SCUBE2: variants seen among roughly 807,000 people sequenced by gnomAD.
SCUBE2 encodes signal peptide, CUB and EGF-like domain-containing protein 2.
A neutral mutation model predicts 125.9 loss-of-function variants in SCUBE2; 114 were observed. The ratio of observed to expected loss-of-function variants is 0.91; its 90% CI spans 0.78 to 1.06. The LOEUF is 1.06. Ranked by LOEUF, SCUBE2 falls within the 50% of genes least tolerant of loss-of-function variation. SCUBE2 has a pLI of 0.00. For missense variants in SCUBE2, 1,255 were observed against 1,301.8 expected, an observed-to-expected ratio of 0.96 and a Z score of 0.55; for synonymous variants, 459 against 492.9, an observed-to-expected ratio of 0.93 and a Z score of 0.91.
chr11:9,058,527 C>T (rs1381557908), intron 9 of SCUBE2, among the ~76,000 whole-genome samples: 3 of 128,332 alleles, frequency 2.3e-5, no homozygotes, highest in Non-Finnish European at 3.1e-5. Context: ...ACCTGGGAGG[C>T]GGAGGTTGCA....
intron 8 of SCUBE2, 166 bp from the exon 9 acceptor site, chr11:9,059,591 T>C (rs933642212): frequency 1.2e-5 from 11 of 886,084 alleles, no homozygotes; most frequent in Non-Finnish European, 1.6e-5. Flanking sequence ...ACATGTTTTC[T>C]TATCTGGCTT....
At chr11:9,070,847 C>T (rs1860731303) in intron 4 of SCUBE2, among the ~76,000 whole-genome samples, 1 of 152,238 alleles carries the variant, frequency 6.6e-6, no homozygotes, top group African/African-American at 2.4e-5. Flanking sequence ...TGGAGTCTCT[C>T]TTAAAACCCT....
intron 13 of SCUBE2, among the ~76,000 whole-genome samples, chr11:9,052,053 A>G (rs998378099): frequency 6.6e-6 from 1 of 152,192 alleles, no homozygotes; most frequent in Non-Finnish European, 1.5e-5. Flanking sequence ...CAGTTTCTTC[A>G]TCTGGTTAAT....
Position 9,091,374 on chromosome 11 carries a change from G to A in SCUBE2, c.133+22C>T, listed in dbSNP as rs779295758. 10 of 1,297,568 alleles carry A rather than the reference G, an allele frequency of 7.7e-6. No homozygotes were observed. The highest frequency in any genetic ancestry group is 6.2e-5 in the African/African-American group (4 of 64,238). 80.4% of individuals were successfully genotyped at this position (1,297,568 alleles called of 1,614,324 possible). ...TGGCCCTGCCTGCTGTGCCAGGTGC[G>A]CCCCCGCGGCCGGACACTCACCCTC... On this transcript the variant is annotated intron_variant, in intron 1 of 22. Transcript: ENST00000649792. The surrounding 1 kb of genome is among the most constrained non-coding windows in gnomAD (Gnocchi z 8.5).
chr11:9,021,160 GC>G lies in SCUBE2; in HGVS notation c.2971del (p.Ala991ProfsTer34). Reference sequence around the variant, plus strand: ...GTACTTGAAATAGTTCTGGGGATGGGCCAGGACATCAAACAGAGCCTTGATA... The same window carrying G: ...GTACTTGAAATAGTTCTGGGGATGGGCAGGACATCAAACAGAGCCTTGATA... ...KLIKALFDVL[A>X]HPQNYFKYTA... On this transcript the variant is annotated frameshift_variant, in exon 23 of 23. Transcript: ENST00000649792. LOFTEE classifies it high-confidence loss of function. 6.2e-7 allele frequency: 1 copy of G among 1,607,148 alleles called. No individual in the cohort carries two copies. The highest frequency in any genetic ancestry group is 1.3e-5 in the African/African-American group (1 of 74,786).
At chr11:9,071,450 C>T (rs939842680) in intron 4 of SCUBE2, among the ~76,000 whole-genome samples, 10 of 152,194 alleles carry the variant, frequency 6.6e-5, no homozygotes, top group Non-Finnish European at 1.2e-4. Context: ...GCTCTGGAAA[C>T]GCTGACAGCT....
chr11:9,059,099 CA>C (rs1859407590), intron 9 of SCUBE2, among the ~76,000 whole-genome samples: 1 of 151,928 alleles, frequency 6.6e-6, no homozygotes, highest in African/African-American at 2.4e-5. Context: ...TAACCATTAA[CA>C]GCTTAATTTC....
intron 10 of SCUBE2, among the ~76,000 whole-genome samples, chr11:9,054,731 T>A (rs1364191825): frequency 1.7e-3 from 128 of 76,590 alleles, no homozygotes; most frequent in African/African-American, 2.6e-3. Context: ...ATATATTTTT[T>A]TTTTTTTTTT....
chr11:9,052,325 C>T (rs1858499582), intron 13 of SCUBE2, among the ~76,000 whole-genome samples: 1 of 152,244 alleles, frequency 6.6e-6, no homozygotes, highest in South Asian at 2.1e-4. Context: ...GGATTTCATT[C>T]TTCATCTTTT....
chr11:9,076,977 C>T lies in SCUBE2; in HGVS notation c.383-2362G>A, dbSNP rs533993624. On this transcript the variant is annotated intron_variant, in intron 3 of 22. Coordinates refer to ENST00000649792, the MANE Select transcript of SCUBE2 (RefSeq NM_001367977.2). ...TGAACACCAACTCCTGGATTGGCTG[C>T]GAGTAAAGATGTGCTCCCCTCTGAG... is the stretch of plus-strand genomic sequence containing the variant. Among the ~76,000 whole-genome samples the T allele has an allele frequency of 7.5e-4, 114 of 152,322 alleles. 1 individual carries two copies. Among genetic ancestry groups the T allele is most frequent in the African/African-American group, 2.5e-3 (102 of 41,574 alleles).
Position 9,074,425 on chromosome 11 carries a change from C to T in SCUBE2, c.517+56G>A, listed in dbSNP as rs72549240. The T allele has an allele frequency of 1.4e-3, 2,304 of 1,600,648 alleles. 28 individuals are homozygous for T. In the African/African-American group the frequency reaches 0.027, roughly 19 times the overall value. ...TAGAGTCAGTGTGTGTGTGCGCGTG[C>T]AAGGGAGAGGGTCTCAGATGTGGCT... On this transcript the variant is annotated intron_variant, in intron 4 of 22. Transcript: ENST00000649792.
chr11:9,027,450 G>C lies in SCUBE2; in HGVS notation c.2615C>G (p.Pro872Arg), dbSNP rs3751059. 1.1e-4 allele frequency: 180 copies of C among 1,614,082 alleles called. No homozygotes were observed. In the East Asian group the frequency reaches 3.1e-3, roughly 28 times the overall value. Residue 872 changes from proline (P) to arginine (R), a missense_variant, in exon 20 of 23, where the codon CCC (proline) becomes CGC (arginine). Physicochemically the swap from Pro to Arg is moderately radical, Grantham distance 103 (BLOSUM62 -2). Transcript: ENST00000649792. ...TECTWTINPP[P>R]KRRILIVVPE... The stretch of plus-strand genomic sequence containing the variant: ...GACCACGATCAGGATGCGGCGCTTG[G>C]GGGGTGGGTTGATGGTCCACGTACA...
At chr11:9,080,133 A>T (rs1224168852) in intron 2 of SCUBE2, among the ~76,000 whole-genome samples, 1 of 152,210 alleles carries the variant, frequency 6.6e-6, no homozygotes, top group Non-Finnish European at 1.5e-5. Flanking sequence ...TCCAGAAATA[A>T]ATCTTTCTAC....
chr11:9,091,510 T>C lies in SCUBE2; in HGVS notation c.19A>G (p.Asn7Asp). The C allele has an allele frequency of 1.0e-6, 1 of 975,734 alleles. No homozygotes were observed. Among genetic ancestry groups the C allele is most frequent in the Non-Finnish European group, 1.3e-6 (1 of 754,198 alleles). 60.4% of individuals were successfully genotyped at this position (975,734 alleles called of 1,614,324 possible). A position where few individuals can be genotyped will look rare whatever the true frequency, so the allele number is the denominator to read the frequency against. MGVAGR[N>D]RPGAAWAVLL... is the part of the protein sequence containing the mutation. ...ACCGCCCAGGCCGCCCCGGGACGGT[T>C]GCGGCCCGCGACCCCCATGGATGGC... The change falls in exon 1 of 23, where the codon AAC (asparagine) becomes GAC (aspartate). Residue 7 changes from asparagine (N) to aspartate (D), a missense_variant. Transcript: ENST00000649792. This position sits in a 1 kb window ranked among gnomAD's most constrained non-coding sequence, Gnocchi z 8.5.
At chr11:9,025,917 A>C (rs948267031) in intron 20 of SCUBE2, 63 bp from the exon 21 acceptor site, 2 of 1,506,604 alleles carry the variant, frequency 1.3e-6, no homozygotes, top group African/African-American at 2.8e-5. Flanking sequence ...CATAGAGTAG[A>C]TGCTCATCTT....
intron 2 of SCUBE2, among the ~76,000 whole-genome samples, chr11:9,088,146 C>A (rs1448666280): frequency 1.3e-5 from 2 of 152,232 alleles, no homozygotes; most frequent in African/African-American, 2.4e-5. Context: ...ACATCAGGGT[C>A]TGGACACTAG....
chr11:9,064,831 T>C (rs1048013650), intron 7 of SCUBE2: 1 of 152,186 alleles, frequency 6.6e-6, no homozygotes, highest in Non-Finnish European at 1.5e-5. Flanking sequence ...AGATGGGTTT[T>C]GTTTAGGTTG....
intron 9 of SCUBE2, among the ~76,000 whole-genome samples, chr11:9,058,452 C>T (rs534765137): frequency 3.1e-4 from 47 of 151,740 alleles, no homozygotes; most frequent in African/African-American, 9.9e-4. Context: ...AAAAATTAGC[C>T]GGGTGTGATG....
intron 16 of SCUBE2, among the ~76,000 whole-genome samples, chr11:9,042,785 C>T (rs1857369170): frequency 2.0e-5 from 3 of 152,138 alleles, no homozygotes; most frequent in Non-Finnish European, 1.5e-5. Flanking sequence ...TGAGCTCAGC[C>T]CACCTCTTTC....
Sources: allele counts gnomAD v4.1 joint callset (sites outside exome capture counted in the v4.1 genomes callset), GRCh38; gene constraint gnomAD v4.1.1; non-coding constraint Gnocchi (gnomAD v3.1); transcripts MANE v1.5; gene names NCBI Gene and HGNC (gene_info 2026-07-23, HGNC 2026-07-21).